The following TMEM272 variants were observed in gnomAD, a reference collection of about 807,000 sequenced individuals.
TMEM272 encodes long intergenic non-protein coding RNA 282.
A neutral mutation model predicts 3.7 loss-of-function variants in TMEM272; 8 were observed. The observed-to-expected ratio is 2.17, with a 90% confidence interval of 1.27 to 3.91. TMEM272 has a LOEUF of 3.91. TMEM272 is among the 30% of genes most tolerant of loss of function. The pLI is 0.00. For missense variants in TMEM272, 166 were observed against 91.5 expected (o/e 1.81, Z -3.32); for synonymous variants, 63 against 39.8 (o/e 1.58, Z -2.20).
the TMEM272 span, among the ~76,000 whole-genome samples, chr13:51,885,655 C>T: frequency 6.6e-6 from 1 of 152,218 alleles, no homozygotes; most frequent in African/African-American, 2.4e-5. Flanking sequence ...CAATACATTA[C>T]AGTAGAATAA....
intron 2 of TMEM272, among the ~76,000 whole-genome samples, chr13:51,834,013 T>C (rs902882437): frequency 2.6e-5 from 4 of 152,144 alleles, no homozygotes; most frequent in African/African-American, 9.7e-5. Context: ...GAATTGCTAC[T>C]AGAAGCACCT....
chr13:51,903,616 C>A, the TMEM272 span, among the ~76,000 whole-genome samples: 1 of 152,164 alleles, frequency 6.6e-6, no homozygotes, highest in Non-Finnish European at 1.5e-5. Flanking sequence ...AGACCCTGAG[C>A]ATCTAATGGA....
the TMEM272 span, among the ~76,000 whole-genome samples, chr13:51,914,756 C>T: frequency 3.9e-5 from 6 of 152,224 alleles, no homozygotes; most frequent in African/African-American, 1.4e-4. Context: ...TGGGCACCAG[C>T]CCACATCTAC....
At chr13:51,918,267 C>G in the TMEM272 span, among the ~76,000 whole-genome samples, 15 of 152,178 alleles carry the variant, frequency 9.9e-5, no homozygotes, top group Non-Finnish European at 1.6e-4. Flanking sequence ...GTTCTCCATC[C>G]TGGAACTTTC....
the TMEM272 span, among the ~76,000 whole-genome samples, chr13:51,889,519 C>T: frequency 3.1e-3 from 475 of 152,268 alleles, 5 homozygotes; most frequent in African/African-American, 0.01. Flanking sequence ...AGAGAGGCCT[C>T]AGGAGAAACC....
At chr13:51,862,457 T>C in the TMEM272 span, among the ~76,000 whole-genome samples, 1 of 152,230 alleles carries the variant, frequency 6.6e-6, no homozygotes, top group African/African-American at 2.4e-5. Context: ...TTTCTTTCTT[T>C]CTTAAAGAAA....
the TMEM272 span, among the ~76,000 whole-genome samples, chr13:51,876,824 TAAAC>T: frequency 6.6e-6 from 1 of 152,236 alleles, no homozygotes; most frequent in Non-Finnish European, 1.5e-5. Context: ...GAGATTCCAT[TAAAC>T]AGACAATCCT....
At chr13:51,900,717 C>G in the TMEM272 span, among the ~76,000 whole-genome samples, 1 of 152,154 alleles carries the variant, frequency 6.6e-6, no homozygotes, top group Non-Finnish European at 1.5e-5. Context: ...ACCCAAGTAT[C>G]CATCAACGAA....
chr13:51,867,585 G>A, the TMEM272 span, among the ~76,000 whole-genome samples: 2 of 151,836 alleles, frequency 1.3e-5, no homozygotes, highest in Non-Finnish European at 3.0e-5. Flanking sequence ...CCAGGCCTCT[G>A]AGGCTTCAGA....
the TMEM272 span, chr13:51,865,232 A>G: frequency 8.2e-6 from 5 of 606,308 alleles, no homozygotes; most frequent in African/African-American, 9.2e-5. Context: ...ATGTGGACAA[A>G]GAGCAGTGAT....
At chr13:51,825,857 C>A (rs566853868) in intron 3 of TMEM272, among the ~76,000 whole-genome samples, 6 of 152,186 alleles carry the variant, frequency 3.9e-5, no homozygotes, top group Non-Finnish European at 5.9e-5. Context: ...AATCGGCCCG[C>A]CTCAGCCCCA....
the TMEM272 span, among the ~76,000 whole-genome samples, chr13:51,881,284 GT>G: frequency 6.6e-6 from 1 of 152,116 alleles, no homozygotes; most frequent in East Asian, 1.9e-4. Context: ...ACCAGGGATA[GT>G]TCTAATATTA....
At chr13:51,863,665 GCACACAGA>G in the TMEM272 span, among the ~76,000 whole-genome samples, 1 of 103,766 alleles carries the variant, frequency 9.6e-6, no homozygotes, top group South Asian at 3.2e-4. Context: ...ATATGCACGC[GCACACAGA>G]CACACACACA....
chr13:51,898,634 TTC>T, the TMEM272 span, among the ~76,000 whole-genome samples: 160 of 149,912 alleles, frequency 1.1e-3, no homozygotes, highest in African/African-American at 3.6e-3. Context: ...TAAATGTTAG[TTC>T]TCTCTCCTCT....
chr13:51,843,397 C>T (rs1462005404), intron 1 of TMEM272, among the ~76,000 whole-genome samples: 1 of 152,194 alleles, frequency 6.6e-6, no homozygotes, highest in Non-Finnish European at 1.5e-5. Flanking sequence ...CAAAAAACTG[C>T]ACGTTCCTTG....
intron 4 of TMEM272, 62 bp from the exon 5 acceptor site, chr13:51,817,175 G>T: frequency 4.6e-6 from 3 of 657,878 alleles, no homozygotes; most frequent in Admixed American, 2.2e-5. Flanking sequence ...GGAAGAGAGG[G>T]GATAGAAGGT....
At chr13:51,849,155 A>G (rs1956320152), upstream of TMEM272, among the ~76,000 whole-genome samples, 1 of 152,226 alleles carries the variant, frequency 6.6e-6, no homozygotes. Context: ...TCCCACAACT[A>G]GTTCACAGTC....
the TMEM272 span, among the ~76,000 whole-genome samples, chr13:51,901,647 C>T: frequency 6.6e-6 from 1 of 152,154 alleles, no homozygotes; most frequent in Non-Finnish European, 1.5e-5. Flanking sequence ...TGCCCTCCCC[C>T]AGTGCCCACT....
At chr13:51,895,112 G>A in the TMEM272 span, among the ~76,000 whole-genome samples, 5 of 152,106 alleles carry the variant, frequency 3.3e-5, no homozygotes, top group South Asian at 2.1e-4. Flanking sequence ...ATGAAGCTTC[G>A]CTTGCTCACC....
Sources: gnomAD v4.1 joint callset for allele counts (sites outside exome capture counted in the v4.1 genomes callset) on GRCh38, gnomAD v4.1.1 for gene constraint, MANE v1.5 for transcripts, NCBI Gene and HGNC (gene_info 2026-07-23, HGNC 2026-07-21) for gene names.